Variants in SMARCE1 observed in about 807,000 individuals in gnomAD.
SMARCE1 encodes SWI/SNF related BAF chromatin remodeling complex subunit E1, also known as SWI/SNF-related matrix-associated actin-dependent regulator of chromatin subfamily E member 1.
Under a neutral mutation model 54.9 loss-of-function variants are expected in SMARCE1, and 13 were observed. The observed-to-expected ratio is 0.24, with a 90% confidence interval of 0.15 to 0.38. The LOEUF (loss-of-function observed/expected upper bound fraction) is 0.38, where lower values mean the gene tolerates loss of function less well. SMARCE1 is among the 10% of genes least tolerant of loss of function. SMARCE1 has a pLI of 1.00. For synonymous variants in SMARCE1, 151 were observed against 175.3 expected, an observed-to-expected ratio of 0.86 and a Z score of 1.10; for missense variants, 295 against 523.8, an observed-to-expected ratio of 0.56 and a Z score of 4.26.
At position 40,637,556 on chromosome 17, in the gene SMARCE1, G is replaced by A. The variant is rs1353575590; in HGVS notation, c.173C>T (p.Thr58Met). 6.2e-7 allele frequency: 1 copy of A among 1,612,968 alleles called. No individual in the cohort carries two copies. Among genetic ancestry groups the A allele is most frequent in the Non-Finnish European group, 8.5e-7 (1 of 1,179,174 alleles). ...NSRVTASSGI[T>M]IPKPPKPPDK... ...TGGTGGCTTTGGGGGTTTTGGAATC[G>A]TGATACCAGAGGATGCCTACGAAAG... Residue 58 changes from threonine (T) to methionine (M), a missense_variant, in exon 5 of 11, where the codon ACG (threonine) becomes ATG (methionine). Physicochemically the swap from Thr to Met is moderately conservative, Grantham distance 81. Around this residue, in one of 5 missense-constraint regions of SMARCE1, gnomAD observed 30 missense variants for 91.3 expected, o/e 0.33. Coordinates refer to ENST00000348513, the MANE Select transcript of SMARCE1 (RefSeq NM_003079.5).
At chr17:40,644,138 A>C (rs746444880) in intron 3 of SMARCE1, 12 of 152,232 alleles carry the variant, frequency 7.9e-5, no homozygotes, top group Non-Finnish European at 1.8e-4. Flanking sequence ...AACTAAAGAA[A>C]GGCAAAAAAA....
chr17:40,646,614 C>T (rs1212040342), intron 1 of SMARCE1, among the ~76,000 whole-genome samples: 1 of 152,142 alleles, frequency 6.6e-6, no homozygotes, highest in Non-Finnish European at 1.5e-5. Context: ...GGACCTAGCT[C>T]AATTCTTAGG....
In SMARCE1 at chr17:40,631,721, T is replaced by C. The variant is rs369326232; in HGVS notation, c.715-28A>G. ...GCAAGACAGGATCAGGCTTCATAAT[T>C]GTGTCTCATTTTTTAATGGTCCATA... is the stretch of plus-strand genomic sequence containing the variant. On this transcript the variant is annotated intron_variant, in intron 8 of 10. Coordinates refer to ENST00000348513, the MANE Select transcript of SMARCE1 (RefSeq NM_003079.5). 4.8e-5 allele frequency: 62 copies of C among 1,293,698 alleles called. No individual in the cohort carries two copies. The African/African-American group carries it at 8.7e-4, about 18-fold the overall frequency. 80.1% of individuals were successfully genotyped at this position (1,293,698 alleles called of 1,614,324 possible). A position where few individuals can be genotyped will look rare whatever the true frequency, so the allele number is the denominator to read the frequency against.
intron 10 of SMARCE1, chr17:40,629,524 G>A: frequency 8.2e-7 from 1 of 1,226,420 alleles, no homozygotes; most frequent in Non-Finnish European, 1.0e-6. Context: ...ATAATATAAG[G>A]TTGGTCTTTT....
intron 4 of SMARCE1, chr17:40,641,186 A>C (rs1291557466): frequency 6.6e-6 from 1 of 152,208 alleles, no homozygotes; most frequent in Non-Finnish European, 1.5e-5. Flanking sequence ...AATGTTCTTT[A>C]TCATTTGAAA....
chr17:40,637,823 T>C (rs896477779), intron 4 of SMARCE1: 1 of 477,990 alleles, frequency 2.1e-6, no homozygotes. Context: ...ACAAATAAAA[T>C]ATTACACAGT....
rs1413987767 is a variant in SMARCE1, at chr17:40,630,920, C to T, written c.821G>A (p.Cys274Tyr). 1 of 1,610,760 alleles carries T rather than the reference C, an allele frequency of 6.2e-7. No individual in the cohort carries two copies. The highest frequency in any genetic ancestry group is 8.5e-7 in the Non-Finnish European group (1 of 1,178,596). ...DSFNNELKRLCGLKVEVDMEK... is the reference protein window; with the variant it reads ...DSFNNELKRLYGLKVEVDMEK... ...CATATCCACTTCTACTTTCAGACCG[C>T]ACAACTAATCAGAAAAAAACAGAAC... Residue 274 changes from cysteine to tyrosine, a missense_variant, in exon 10 of 11, where the codon TGC (cysteine) becomes TAC (tyrosine). By Grantham distance (194) the Cys-to-Tyr change is radical. Transcript: ENST00000348513.
intron 7 of SMARCE1, chr17:40,635,576 G>C (rs2037138710): frequency 6.2e-6 from 1 of 161,940 alleles, no homozygotes; most frequent in Admixed American, 6.4e-5. Flanking sequence ...CTTTAATTCA[G>C]CGAATTTAGT....
Position 40,627,954 on chromosome 17 carries a change from T to TC in SMARCE1, c.*830dup, listed in dbSNP as rs921201278. On this transcript the variant is annotated 3_prime_UTR_variant, in exon 11 of 11. Transcript: ENST00000348513. ...ACAATTTCAAGTGGATTAACTTAATTCCCAGCTGTTTTTCTTCTGGAATGG... is the reference window on the plus strand; with the variant it reads ...ACAATTTCAAGTGGATTAACTTAATTCCCCAGCTGTTTTTCTTCTGGAATGG... 2 of 152,664 alleles carry TC rather than the reference T, an allele frequency of 1.3e-5. No homozygotes were observed. The highest frequency in any genetic ancestry group is 4.8e-5 in the African/African-American group (2 of 41,456). 9.5% of individuals were successfully genotyped at this position (152,664 alleles called of 1,614,324 possible). A position where few individuals can be genotyped will look rare whatever the true frequency, so the allele number is the denominator to read the frequency against.
rs1597741295 is a variant in SMARCE1, at chr17:40,628,953, A to G, written c.1068T>C (p.Asn356=). Residue 356 remains asparagine (N), a synonymous_variant, in exon 11 of 11, where the codon AAT becomes AAC. Coordinates refer to ENST00000348513, the MANE Select transcript of SMARCE1 (RefSeq NM_003079.5). ...CAGGAGTAGACGTGCCTTCTTCACC[A>G]TTCTGTTGGCTCTCTGTTGTTTCTT... ...HLEETTESQQ[N]GEEGTSTPED... 8 of 1,613,722 alleles carry G rather than the reference A, an allele frequency of 5.0e-6. No homozygotes were observed. Among genetic ancestry groups the G allele is most frequent in the Non-Finnish European group, 6.8e-6 (8 of 1,179,824 alleles).
intron 7 of SMARCE1, chr17:40,635,013 C>T (rs531220941): frequency 6.6e-6 from 1 of 152,046 alleles, no homozygotes; most frequent in African/African-American, 2.4e-5. Context: ...TATTCCAGTA[C>T]ATTATTTTTA....
chr17:40,626,973 G>A lies in SMARCE1; in HGVS notation c.*1812C>T, dbSNP rs1204740539. ...CACTGCTATTTCCAGCCGGGCAAAA[G>A]AACCACTTCCATTCTCTTAGAGCTT... is the stretch of plus-strand genomic sequence containing the variant. On this transcript the variant is annotated 3_prime_UTR_variant, in exon 11 of 11. Transcript: ENST00000348513. 1.3e-5 allele frequency: 2 copies of A among 151,758 alleles called. No individual in the cohort carries two copies. The highest frequency in any genetic ancestry group is 2.9e-5 in the Non-Finnish European group (2 of 67,992). 9.4% of individuals were successfully genotyped at this position (151,758 alleles called of 1,614,324 possible).
chr17:40,637,221 C>T (rs1458365453), intron 5 of SMARCE1: 3 of 430,744 alleles, frequency 7.0e-6, no homozygotes, highest in East Asian at 4.7e-5. Flanking sequence ...ATTTTCCTCA[C>T]GTCATTAAAT....
Position 40,630,809 on chromosome 17 carries a change from G to A in SMARCE1, c.932C>T (p.Ala311Val), listed in dbSNP as rs768536854. ...EEREKEAAEQ[A>V]ERSQSSIVPE... ...AACGATGCTGCTCTGACTGCGCTCA[G>A]CTTGCTCTGCGGCCTCCTTCTCCCT... Residue 311 changes from alanine (A) to valine (V), a missense_variant, in exon 10 of 11, where the codon GCT becomes GTT. Around this residue, in one of 5 missense-constraint regions of SMARCE1, gnomAD observed 147 missense variants for 161.4 expected, o/e 0.91. Transcript: ENST00000348513. The A allele has an allele frequency of 1.2e-5, 20 of 1,614,066 alleles. No homozygotes were observed. Among genetic ancestry groups the A allele is most frequent in the Non-Finnish European group, 1.7e-5 (20 of 1,180,014 alleles).
chr17:40,636,908 A>G (rs1348900274), intron 5 of SMARCE1: 1 of 164,884 alleles, frequency 6.1e-6, no homozygotes, highest in Non-Finnish European at 1.3e-5. Context: ...ATATTATCAA[A>G]TACAAATATA....
At chr17:40,646,136 A>G (rs1352042539) in intron 1 of SMARCE1, among the ~76,000 whole-genome samples, 2 of 152,212 alleles carry the variant, frequency 1.3e-5, no homozygotes, top group Non-Finnish European at 2.9e-5. Context: ...TGCTGACGCC[A>G]TGTAAACATT....
chr17:40,635,984 C>G lies in SMARCE1; in HGVS notation c.488G>C (p.Arg163Pro). The stretch of plus-strand genomic sequence containing the variant: ...CATGTACGGTTCTCCTTTCTCCATG[C>G]GAGATTGTCTCTGTCGACTTTCTTC... Reference protein sequence around the residue: ...LEEESRQRQSRMEKGEPYMSI... With the variant: ...LEEESRQRQSPMEKGEPYMSI... The change falls in exon 7 of 11, where the codon CGC becomes CCC. Residue 163 changes from arginine (R) to proline (P), a missense_variant. This residue lies in a region of SMARCE1 where 101 missense variants were observed against 183.1 expected (regional missense o/e 0.55). Coordinates refer to ENST00000348513, the MANE Select transcript of SMARCE1 (RefSeq NM_003079.5). 6.2e-7 allele frequency: 1 copy of G among 1,613,412 alleles called. No individual in the cohort carries two copies. Among genetic ancestry groups the G allele is most frequent in the Non-Finnish European group, 8.5e-7 (1 of 1,179,696 alleles).
rs766668916 is a variant in SMARCE1, at chr17:40,642,542, T to C, written c.69A>G (p.Pro23=). 2 of 1,607,964 alleles carry C rather than the reference T, an allele frequency of 1.2e-6. No homozygotes were observed. The highest frequency in any genetic ancestry group is 2.2e-5 in the East Asian group (1 of 44,834). The stretch of plus-strand genomic sequence containing the variant: ...TGTATGGATTGTATCCCACAAACCC[T>C]GGTGTGCTGGGCATTTGCTGATGGA... ...PAPATQMPST[P]GFVGYNPYSH... is the part of the protein sequence containing the mutation. Residue 23 remains proline, a synonymous_variant, in exon 4 of 11, where the codon CCA becomes CCG. Transcript: ENST00000348513. The surrounding 1 kb of genome is among the most constrained non-coding windows in gnomAD (Gnocchi z 4.6).
At chr17:40,629,123 C>G (rs540399169) in intron 10 of SMARCE1, 130 bp from the exon 11 acceptor site, 241 of 693,320 alleles carry the variant, frequency 3.5e-4, no homozygotes, top group South Asian at 5.9e-4. Flanking sequence ...CTGAAATGAA[C>G]CAGTGTGACT....
Sources: gnomAD v4.1 joint callset for allele counts (sites outside exome capture counted in the v4.1 genomes callset) on GRCh38, gnomAD v4.1.1 for gene constraint, gnomAD v4.1.1 regional missense constraint, Gnocchi (gnomAD v3.1) non-coding constraint, MANE v1.5 for transcripts, NCBI Gene and HGNC (gene_info 2026-07-23, HGNC 2026-07-21) for gene names.